LINGO2: variants seen among roughly 807,000 people sequenced by gnomAD.
LINGO2 encodes the protein leucine rich repeat and Ig domain containing 2, also known as leucine-rich repeat and immunoglobulin-like domain-containing nogo receptor-interacting protein 2.
LINGO2 carries 14 observed loss-of-function variants against 30.6 expected under a neutral mutation model. The ratio of observed to expected loss-of-function variants is 0.46; its 90% confidence interval spans 0.30 to 0.72. The LOEUF is 0.72. Ranked by LOEUF, LINGO2 falls within the 30% of genes least tolerant of loss-of-function variation. The probability of loss-of-function intolerance (pLI) is 0.07; values close to 1 mark genes in which losing one functional copy is unlikely to be tolerated. For missense variants in LINGO2, 729 were observed against 751.7 expected, an observed-to-expected ratio of 0.97 and a Z score of 0.35; for synonymous variants, 317 against 288.5, an observed-to-expected ratio of 1.10 and a Z score of -1.00.
chr9:28,237,657 A>T (rs963006339), intron 4 of LINGO2, among the ~76,000 whole-genome samples: 1 of 152,144 alleles, frequency 6.6e-6, no homozygotes, highest in Non-Finnish European at 1.5e-5. Flanking sequence ...GTTCAAGACC[A>T]GCCTGGCCAA....
chr9:28,730,482 T>G, the LINGO2 span, among the ~76,000 whole-genome samples: 11 of 152,182 alleles, frequency 7.2e-5, no homozygotes, highest in Non-Finnish European at 1.3e-4. Context: ...GGAATGTTTG[T>G]TCAGCAAAAG....
intron 1 of LINGO2, among the ~76,000 whole-genome samples, chr9:28,500,563 G>A (rs1161081146): frequency 1.3e-5 from 2 of 152,030 alleles, no homozygotes; most frequent in Non-Finnish European, 2.9e-5. Context: ...GAAAAATTGA[G>A]GCAAGATATT....
chr9:28,197,931 C>T (rs1346645226), intron 4 of LINGO2, among the ~76,000 whole-genome samples: 7 of 151,662 alleles, frequency 4.6e-5, no homozygotes, highest in Non-Finnish European at 1.0e-4. Flanking sequence ...CTGTAAAGTG[C>T]CATTTTTTTG....
At position 28,204,571 on chromosome 9, in the gene LINGO2, T is replaced by C. The variant is rs76466480; in HGVS notation, c.-87+90637A>G. Reference sequence around the variant, plus strand: ...AAAGCAGTTCCCTAGGCATATCTTGTATGTGCCTGGTGTATGGGAGTAACA... The same window carrying C: ...AAAGCAGTTCCCTAGGCATATCTTGCATGTGCCTGGTGTATGGGAGTAACA... On this transcript the variant is annotated intron_variant, in intron 4 of 5. Transcript: ENST00000379992. Among the ~76,000 whole-genome samples the C allele has an allele frequency of 7.4e-4, 113 of 152,314 alleles. 2 individuals are homozygous for C. The East Asian group carries it at 0.019, about 25-fold the overall frequency.
intron 3 of LINGO2, among the ~76,000 whole-genome samples, chr9:28,334,825 A>G (rs574338217): frequency 6.6e-6 from 1 of 152,274 alleles, no homozygotes; most frequent in South Asian, 2.1e-4. Flanking sequence ...TTGTGATTGT[A>G]TTCAGACAGC....
chr9:29,144,462 A>G, the LINGO2 span, among the ~76,000 whole-genome samples: 1 of 152,126 alleles, frequency 6.6e-6, no homozygotes, highest in African/African-American at 2.4e-5. Context: ...ATTTTGGAAA[A>G]AAAAATATAC....
chr9:28,292,941 T>C (rs1335505563), intron 4 of LINGO2, among the ~76,000 whole-genome samples: 1 of 151,868 alleles, frequency 6.6e-6, no homozygotes, highest in Admixed American at 6.6e-5. Flanking sequence ...TGGATAACTT[T>C]TTTTGTATTT....
intron 4 of LINGO2, among the ~76,000 whole-genome samples, chr9:28,241,524 G>C (rs1348772927): frequency 2.0e-5 from 3 of 152,056 alleles, no homozygotes; most frequent in Non-Finnish European, 4.4e-5. Flanking sequence ...CAGGGGGCAG[G>C]GGAGCCACCC....
chr9:28,336,306 A>T (rs565790053), intron 3 of LINGO2, among the ~76,000 whole-genome samples: 41 of 152,246 alleles, frequency 2.7e-4, no homozygotes, highest in African/African-American at 9.4e-4. Flanking sequence ...TTCTTTATAT[A>T]TTATTAATAC....
At chr9:28,676,202 T>C in the LINGO2 span, among the ~76,000 whole-genome samples, 1 of 151,694 alleles carries the variant, frequency 6.6e-6, no homozygotes, top group Non-Finnish European at 1.5e-5. Context: ...TAGCATAAAA[T>C]AGTTATGCTA....
intron 2 of LINGO2, among the ~76,000 whole-genome samples, chr9:28,394,620 G>A (rs1821969127): frequency 6.6e-6 from 1 of 152,128 alleles, no homozygotes; most frequent in Non-Finnish European, 1.5e-5. Flanking sequence ...TTCCTCCCTT[G>A]ATGTCTTTTG....
intron 3 of LINGO2, among the ~76,000 whole-genome samples, chr9:28,313,049 G>T (rs140136861): frequency 5.9e-5 from 9 of 152,236 alleles, no homozygotes; most frequent in African/African-American, 2.2e-4. Context: ...TACCAACAGA[G>T]AATAATCCTG....
At chr9:28,774,328 C>T in the LINGO2 span, among the ~76,000 whole-genome samples, 1 of 152,148 alleles carries the variant, frequency 6.6e-6, no homozygotes, top group Non-Finnish European at 1.5e-5. Context: ...GAGGATTCCT[C>T]CTGGAATGAA....
chr9:28,692,193 G>C, the LINGO2 span, among the ~76,000 whole-genome samples: 1 of 151,978 alleles, frequency 6.6e-6, no homozygotes, highest in Non-Finnish European at 1.5e-5. Context: ...TGGCAATTTC[G>C]GCCGGGCATG....
chr9:28,590,401 A>C lies in LINGO2; in HGVS notation c.-365+79799T>G, dbSNP rs186851138. Among the ~76,000 whole-genome samples, 4 of 152,232 alleles carry C rather than the reference A, an allele frequency of 2.6e-5. No individual in the cohort carries two copies. In the East Asian group the frequency reaches 5.8e-4, roughly 22 times the overall value. ...GAATGGGAGAAAATTTTTGCAACCTATTCATCTGACGAAGGGCTAATATCC... is the reference window on the plus strand; with the variant it reads ...GAATGGGAGAAAATTTTTGCAACCTCTTCATCTGACGAAGGGCTAATATCC... On this transcript the variant is annotated intron_variant, in intron 1 of 5. Coordinates refer to ENST00000379992, the Ensembl canonical transcript of LINGO2.
intron 1 of LINGO2, among the ~76,000 whole-genome samples, chr9:28,601,065 C>A (rs936431583): frequency 6.6e-6 from 1 of 152,056 alleles, no homozygotes; most frequent in African/African-American, 2.4e-5. Context: ...AAAAGAAAAT[C>A]ACATAAAGTT....
the LINGO2 span, among the ~76,000 whole-genome samples, chr9:28,708,895 A>C: frequency 1.1e-4 from 16 of 152,090 alleles, no homozygotes; most frequent in African/African-American, 3.9e-4. Flanking sequence ...CCTGATCTAT[A>C]ATAGATTATT....
At chr9:28,137,577 C>G (rs1827553778) in intron 4 of LINGO2, among the ~76,000 whole-genome samples, 1 of 151,752 alleles carries the variant, frequency 6.6e-6, no homozygotes, top group African/African-American at 2.4e-5. Flanking sequence ...CTTGTAATGA[C>G]TTTATATATA....
chr9:28,208,779 G>C (rs1361400651), intron 4 of LINGO2, among the ~76,000 whole-genome samples: 6 of 151,814 alleles, frequency 4.0e-5, no homozygotes, highest in Non-Finnish European at 7.4e-5. Context: ...TCTAATTTCT[G>C]AGCATTTGGG....
Sources: gnomAD v4.1 joint callset for allele counts (sites outside exome capture counted in the v4.1 genomes callset) on GRCh38, gnomAD v4.1.1 for gene constraint, MANE v1.5 for transcripts, NCBI Gene and HGNC (gene_info 2026-07-23, HGNC 2026-07-21) for gene names.